The following PHF3 variants were observed in gnomAD, a reference collection of about 807,000 sequenced individuals.
The protein encoded by PHF3 is PHD finger protein 3.
In PHF3, 41 loss-of-function variants were observed where a neutral mutation model predicts 178.4. That is an observed-to-expected ratio of 0.23 (90% CI 0.18 to 0.30). PHF3 has a LOEUF of 0.30. PHF3 is among the 10% of genes least tolerant of loss of function. The pLI, the probability that PHF3 is intolerant of heterozygous loss-of-function variation, is 1.00. For synonymous variants in PHF3, 842 were observed against 800.5 expected, an observed-to-expected ratio of 1.05 and a Z score of -0.88; for missense variants, 2,346 against 2,398.1, an observed-to-expected ratio of 0.98 and a Z score of 0.45.
intron 5 of PHF3, among the ~76,000 whole-genome samples, chr6:63,692,367 T>C (rs570464714): frequency 6.6e-6 from 1 of 152,292 alleles, no homozygotes; most frequent in East Asian, 1.9e-4. Flanking sequence ...CTAAGTTGTT[T>C]TAAAAAAGCT....
At chr6:63,678,086 G>A (rs1181847248) in intron 2 of PHF3, among the ~76,000 whole-genome samples, 3 of 152,056 alleles carry the variant, frequency 2.0e-5, no homozygotes, top group African/African-American at 7.2e-5. Context: ...AGCTGGGCAT[G>A]ATGGCACACA....
chr6:63,654,889 C>CTT (rs34787470), intron 2 of PHF3, among the ~76,000 whole-genome samples: 10,690 of 94,664 alleles, frequency 0.11, 1,206 homozygotes, highest in African/African-American at 0.14. Flanking sequence ...ATTAGGTGAC[C>CTT]TTTTTTTTTT....
At chr6:63,666,267 C>T (rs376924641) in intron 2 of PHF3, among the ~76,000 whole-genome samples, 1 of 152,132 alleles carries the variant, frequency 6.6e-6, no homozygotes, top group East Asian at 1.9e-4. Flanking sequence ...CAAACTTTGA[C>T]TTTTAGTCTT....
Position 63,685,610 on chromosome 6 carries a change from C to G in PHF3, c.1888C>G (p.Pro630Ala). Residue 630 changes from proline (P) to alanine (A), a missense_variant, in exon 4 of 16, where the codon CCT (proline) becomes GCT (alanine). Physicochemically the swap from Pro to Ala is conservative, Grantham distance 27. Around this residue, in one of 8 missense-constraint regions of PHF3, gnomAD observed 843 missense variants for 795.2 expected, o/e 1.06. Transcript: ENST00000262043. ...SHSSQKQCHK[P>A]QQQAPAMKTN... The stretch of plus-strand genomic sequence containing the variant: ...TTCTAGCCAGAAACAGTGTCATAAG[C>G]CTCAGCAACAGGCCCCAGCAATGAA... 1 of 1,614,080 alleles carries G rather than the reference C, an allele frequency of 6.2e-7. No homozygotes were observed. The highest frequency in any genetic ancestry group is 2.2e-5 in the East Asian group (1 of 44,884).
chr6:63,686,014 A>G, intron 4 of PHF3, 103 bp downstream of exon 4: 9 of 745,688 alleles, frequency 1.2e-5, no homozygotes, highest in South Asian at 1.8e-5. Context: ...TATTTGATAC[A>G]CAGAGACCTG....
At chr6:63,642,956 A>G (rs1023956603) in intron 1 of PHF3, among the ~76,000 whole-genome samples, 5 of 152,088 alleles carry the variant, frequency 3.3e-5, no homozygotes, top group African/African-American at 1.2e-4. Flanking sequence ...ATTTATAGAA[A>G]AGTTGCAAAG....
chr6:63,686,466 G>C (rs1258710393), intron 4 of PHF3: 1 of 152,106 alleles, frequency 6.6e-6, no homozygotes, highest in East Asian at 1.9e-4. Flanking sequence ...ATGAAATAGA[G>C]TGAAAAACGT....
At chr6:63,656,019 A>G (rs959514854) in intron 2 of PHF3, among the ~76,000 whole-genome samples, 3 of 152,230 alleles carry the variant, frequency 2.0e-5, no homozygotes, top group Non-Finnish European at 2.9e-5. Context: ...GCCATCCTTA[A>G]TAACAAAAGT....
rs1181504284 is a variant in PHF3, at chr6:63,721,866, C to G, written c.*8158C>G. 2.1e-5 allele frequency: 30 copies of G among 1,416,134 alleles called. No homozygotes were observed. The highest frequency in any genetic ancestry group is 2.8e-5 in the Non-Finnish European group (30 of 1,062,306). The allele number at this position is 1,416,134 out of a possible 1,614,324, so 87.7% of individuals were successfully genotyped here. A position where few individuals can be genotyped will look rare whatever the true frequency, so the allele number is the denominator to read the frequency against. On this transcript the variant is annotated 3_prime_UTR_variant, in exon 16 of 16. Transcript: ENST00000262043. ...TTTCCATTGAAAACTTTTGCTGTTTCTGGCCAAGTTGGATAAGTTTTAGTT... is the reference window on the plus strand; with the variant it reads ...TTTCCATTGAAAACTTTTGCTGTTTGTGGCCAAGTTGGATAAGTTTTAGTT...
chr6:63,722,589 T>G lies in PHF3; in HGVS notation c.*8881T>G, dbSNP rs1226253729. On this transcript the variant is annotated 3_prime_UTR_variant, in exon 16 of 16. Coordinates refer to ENST00000262043, the MANE Select transcript of PHF3 (RefSeq NM_001370348.2). ...AAAAGCATGTTCTTCACTGTAAGAT[T>G]GCTTGAAGAGGATAGCAAAATGACT... is the stretch of plus-strand genomic sequence containing the variant. 6.6e-6 allele frequency among the ~76,000 whole-genome samples: 1 copy of G among 152,248 alleles called. No homozygotes were observed. The highest frequency in any genetic ancestry group is 6.5e-5 in the Admixed American group (1 of 15,278).
At chr6:63,687,256 T>G (rs1766754203) in intron 4 of PHF3, among the ~76,000 whole-genome samples, 1 of 152,150 alleles carries the variant, frequency 6.6e-6, no homozygotes, top group African/African-American at 2.4e-5. Context: ...AAACCCCGTC[T>G]CTACTAAAAA....
chr6:63,709,317 G>A (rs2149609425), intron 14 of PHF3, 77 bp downstream of exon 14: 3 of 958,222 alleles, frequency 3.1e-6, no homozygotes, highest in East Asian at 4.8e-5. Context: ...TTATGCAAGG[G>A]TGCAAAGTCT....
In PHF3 at chr6:63,718,599, T is replaced by C. The variant is rs1768260322; in HGVS notation, c.*4891T>C. Among the ~76,000 whole-genome samples, 1 of 152,116 alleles carries C rather than the reference T, an allele frequency of 6.6e-6. No homozygotes were observed. Among genetic ancestry groups the C allele is most frequent in the Middle Eastern group, 3.4e-3 (1 of 294 alleles). On this transcript the variant is annotated 3_prime_UTR_variant, in exon 16 of 16. Coordinates refer to ENST00000262043, the MANE Select transcript of PHF3 (RefSeq NM_001370348.2). ...TCTTACCTGCCCTGCATTCAGTGTT[T>C]TGTAGTATGTCATTTTATTTGAAAT... is the stretch of plus-strand genomic sequence containing the variant.
At chr6:63,708,469 A>G (rs1382392949) in intron 13 of PHF3, among the ~76,000 whole-genome samples, 1 of 151,860 alleles carries the variant, frequency 6.6e-6, no homozygotes, top group East Asian at 1.9e-4. Flanking sequence ...ACTTGTTTTT[A>G]GTTTGGACTG....
At chr6:63,670,370 G>A (rs1296149706) in intron 2 of PHF3, among the ~76,000 whole-genome samples, 2 of 152,126 alleles carry the variant, frequency 1.3e-5, no homozygotes, top group Non-Finnish European at 1.5e-5. Flanking sequence ...CTGGGTTCAC[G>A]CCATTGTCCT....
intron 2 of PHF3, 89 bp downstream of exon 2, chr6:63,646,884 C>T (rs374422240): frequency 2.6e-3 from 1,533 of 594,558 alleles, no homozygotes; most frequent in African/African-American, 0.017. Flanking sequence ...TTCTTTTTTT[C>T]TTTTTTTTTT....
chr6:63,700,324 C>T, intron 8 of PHF3, 26 bp from the exon 9 acceptor site: 5 of 1,141,100 alleles, frequency 4.4e-6, no homozygotes, highest in Non-Finnish European at 6.5e-6. Context: ...GTCTCCCCTT[C>T]TATTCCTATT....
At chr6:63,706,588 A>T (rs971855535) in intron 12 of PHF3, 141 bp from the exon 13 acceptor site, 7 of 677,406 alleles carry the variant, frequency 1.0e-5, no homozygotes, top group African/African-American at 1.8e-5. Flanking sequence ...ATGTAATTTT[A>T]TAAAATGAAA....
Position 63,711,674 on chromosome 6 carries a change from T to A in PHF3, c.4086T>A (p.Ser1362Arg). The A allele has an allele frequency of 1.2e-6, 2 of 1,613,780 alleles. No homozygotes were observed. Among genetic ancestry groups the A allele is most frequent in the South Asian group, 1.1e-5 (1 of 91,044 alleles). The part of the protein sequence containing the change: ...KRQHSACAST[S>R]HIAETPESAP... ...AGCACAGTGCCTGTGCTAGTACTAG[T>A]CATATAGCTGAGACTCCTGAAAGTG... The change falls in exon 16 of 16, where the codon AGT (serine) becomes AGA (arginine). Residue 1362 changes from serine (S) to arginine (R), a missense_variant. Physicochemically the swap from Ser to Arg is moderately radical, Grantham distance 110 (BLOSUM62 -1). Around this residue, in one of 8 missense-constraint regions of PHF3, gnomAD observed 839 missense variants for 806.9 expected, o/e 1.04. Coordinates refer to ENST00000262043, the MANE Select transcript of PHF3 (RefSeq NM_001370348.2).
Sources: allele counts gnomAD v4.1 joint callset (sites outside exome capture counted in the v4.1 genomes callset), GRCh38; gene constraint gnomAD v4.1.1; regional missense constraint gnomAD v4.1.1; transcripts MANE v1.5; gene names NCBI Gene and HGNC (gene_info 2026-07-23, HGNC 2026-07-21).